Variants in KHDC1 observed in about 807,000 individuals in gnomAD.
The protein encoded by KHDC1 is KH domain containing 1.
Under a neutral mutation model 24.7 loss-of-function variants are expected in KHDC1, and 21 were observed. The observed-to-expected ratio is 0.85, with a 90% CI of 0.60 to 1.23. KHDC1 has a LOEUF of 1.23. Ranked by LOEUF, KHDC1 falls within the 50% of genes most tolerant of loss-of-function variation. The probability of loss-of-function intolerance (pLI) is 0.00; values close to 1 mark genes in which losing one functional copy is unlikely to be tolerated. For synonymous variants in KHDC1, 98 were observed against 111.7 expected, an observed-to-expected ratio of 0.88 and a Z score of 0.77; for missense variants, 274 against 298.5, an observed-to-expected ratio of 0.92 and a Z score of 0.61.
intron 2 of KHDC1, among the ~76,000 whole-genome samples, chr6:73,271,791 G>T (rs1767184553): frequency 6.6e-6 from 1 of 151,562 alleles, no homozygotes; most frequent in Non-Finnish European, 1.5e-5. Context: ...CTACTAGGGG[G>T]TGCTGAGGCA....
At chr6:73,289,678 A>C (rs1005107334) in intron 2 of KHDC1, among the ~76,000 whole-genome samples, 3 of 151,944 alleles carry the variant, frequency 2.0e-5, no homozygotes, top group Non-Finnish European at 4.4e-5. Flanking sequence ...AAGAAAAAAA[A>C]CGGCCAGGCA....
intron 2 of KHDC1, among the ~76,000 whole-genome samples, chr6:73,289,129 T>A (rs1418203856): frequency 6.7e-6 from 1 of 148,780 alleles, no homozygotes; most frequent in Non-Finnish European, 1.5e-5. Context: ...AGGCCAGGAG[T>A]TCAAGACTAG....
intron 2 of KHDC1, 31 bp from the exon 2 acceptor site, chr6:73,242,561 C>G (rs1373030809): frequency 6.2e-7 from 1 of 1,613,698 alleles, no homozygotes; most frequent in African/African-American, 1.3e-5. Context: ...GTCCAAGCAA[C>G]TGGTTGGCAA....
intron 1 of KHDC1, chr6:73,293,031 C>T: frequency 9.9e-7 from 1 of 1,013,702 alleles, no homozygotes; most frequent in South Asian, 1.3e-5. Flanking sequence ...AACATGACTC[C>T]AGATGAAACT....
rs574353867 is a variant in KHDC1 at position 73,302,074 on chromosome 6, G to C, written c.163+7478C>G. On this transcript the variant is annotated intron_variant, in intron 1 of 4. Coordinates refer to ENST00000370384, the Ensembl canonical transcript of KHDC1. ...GGAGGCCGAGGTGGGCAGATCATGAGGTCAGGAGTTTGAGACCAGCCTGAC... is the reference window on the plus strand; with the variant it reads ...GGAGGCCGAGGTGGGCAGATCATGACGTCAGGAGTTTGAGACCAGCCTGAC... 4.6e-5 allele frequency among the ~76,000 whole-genome samples: 7 copies of C among 152,242 alleles called. No homozygotes were observed. The East Asian group carries it at 1.4e-3, about 29-fold the overall frequency.
intron 1 of KHDC1, among the ~76,000 whole-genome samples, chr6:73,304,498 A>C (rs1002404653): frequency 2.0e-5 from 3 of 152,088 alleles, no homozygotes; most frequent in African/African-American, 7.2e-5. Flanking sequence ...GCGGGGTCTC[A>C]CTATGTTGCC....
At chr6:73,282,760 G>C (rs768830458) in intron 2 of KHDC1, among the ~76,000 whole-genome samples, 3 of 151,952 alleles carry the variant, frequency 2.0e-5, no homozygotes, top group African/African-American at 4.8e-5. Context: ...AACTGACTCC[G>C]TGCAAGAGGC....
intron 2 of KHDC1, among the ~76,000 whole-genome samples, chr6:73,288,089 A>G (rs1056167938): frequency 2.6e-5 from 4 of 152,242 alleles, no homozygotes; most frequent in South Asian, 2.1e-4. Flanking sequence ...GGATAGAGTT[A>G]GTCATCATCA....
chr6:73,292,563 T>G (rs1471771307), intron 1 of KHDC1: 3 of 767,094 alleles, frequency 3.9e-6, no homozygotes, highest in Non-Finnish European at 7.3e-6. Context: ...AATAATTCTG[T>G]GAGTTCTCCA....
intron 1 of KHDC1, among the ~76,000 whole-genome samples, chr6:73,307,647 G>A (rs1767994671): frequency 6.6e-6 from 1 of 152,118 alleles, no homozygotes; most frequent in South Asian, 2.1e-4. Context: ...CCCTGCCTGA[G>A]ATTCCCTCAG....
chr6:73,289,420 C>T (rs1263429171), intron 2 of KHDC1, among the ~76,000 whole-genome samples: 5 of 145,138 alleles, frequency 3.4e-5, no homozygotes, highest in African/African-American at 5.1e-5. Flanking sequence ...GAGGCCAAGG[C>T]GGGTGGATCA....
chr6:73,248,964 A>T (rs1328941410), intron 2 of KHDC1, among the ~76,000 whole-genome samples: 1 of 151,922 alleles, frequency 6.6e-6, no homozygotes, highest in Non-Finnish European at 1.5e-5. Context: ...AAAAGAAAGA[A>T]AGAAAAGGTA....
In KHDC1 at chr6:73,293,091, T is replaced by C. The variant is rs908242337; in HGVS notation, c.164-1051A>G. The C allele has an allele frequency of 9.3e-6, 9 of 968,198 alleles. 1 individual carries two copies. The highest frequency in any genetic ancestry group is 2.8e-5 in the East Asian group (1 of 35,976). 60.0% of individuals were successfully genotyped at this position (968,198 alleles called of 1,614,324 possible). A position where few individuals can be genotyped will look rare whatever the true frequency, so the allele number is the denominator to read the frequency against. On this transcript the variant is annotated intron_variant, in intron 1 of 4. Transcript: ENST00000370384. ...AGAAATGCAAGACTGGATGCCAAGA[T>C]TGATTCTAAATTAGGTCATGTGGTT...
intron 2 of KHDC1, among the ~76,000 whole-genome samples, chr6:73,260,797 CCAGCATCACTAGTG>C (rs1473755348): frequency 6.6e-6 from 1 of 152,160 alleles, no homozygotes; most frequent in African/African-American, 2.4e-5. Flanking sequence ...GCTTTGCATG[CCAGCATCACTAGTG>C]CAGTTAAGCA....
chr6:73,288,132 C>A (rs1220842673), intron 2 of KHDC1, among the ~76,000 whole-genome samples: 1 of 152,192 alleles, frequency 6.6e-6, no homozygotes, highest in East Asian at 1.9e-4. Flanking sequence ...CTGGTGCCTA[C>A]AAAAATCAGA....
intron 2 of KHDC1, among the ~76,000 whole-genome samples, chr6:73,248,758 C>G (rs568874063): frequency 2.0e-5 from 3 of 152,110 alleles, no homozygotes; most frequent in Admixed American, 2.0e-4. Flanking sequence ...CTTTCAATTG[C>G]TTAATTACTG....
chr6:73,283,298 T>C (rs1201347145), intron 2 of KHDC1, among the ~76,000 whole-genome samples: 1 of 152,168 alleles, frequency 6.6e-6, no homozygotes, highest in African/African-American at 2.4e-5. Flanking sequence ...AATTATTCAT[T>C]TTTAACTGTG....
chr6:73,294,281 A>G lies in KHDC1; in HGVS notation c.164-2241T>C, dbSNP rs556492833. Among the ~76,000 whole-genome samples, 15 of 152,314 alleles carry G rather than the reference A, an allele frequency of 9.8e-5. 1 individual carries two copies. Among genetic ancestry groups the G allele is most frequent in the Middle Eastern group, 6.8e-3 (2 of 294 alleles). On this transcript the variant is annotated intron_variant, in intron 1 of 4. Coordinates refer to ENST00000370384, the Ensembl canonical transcript of KHDC1. ...AGCATAAACAGCATAAAGAAGTGCC[A>G]TAAGATAGAAATTTTTGTTTTCTGT...
At chr6:73,290,737 C>A in intron 2 of KHDC1, 1 of 365,260 alleles carries the variant, frequency 2.7e-6, no homozygotes, top group South Asian at 2.3e-5. Flanking sequence ...CTTTGCTAAC[C>A]AGATCCAATC....
Sources: allele counts gnomAD v4.1 joint callset (sites outside exome capture counted in the v4.1 genomes callset), GRCh38; gene constraint gnomAD v4.1.1; transcripts MANE v1.5; gene names NCBI Gene and HGNC (gene_info 2026-07-23, HGNC 2026-07-21).